The following NUCB1 variants were observed in gnomAD, a reference collection of about 807,000 sequenced individuals.
NUCB1 encodes the protein nucleobindin 1.
A neutral mutation model predicts 61.2 loss-of-function variants in NUCB1; 47 were observed. The observed-to-expected ratio is 0.77, with a 90% CI of 0.61 to 0.98. NUCB1 has a LOEUF of 0.98. Among genes scored for constraint, NUCB1 ranks in the 50% least tolerant of loss-of-function variants. NUCB1 has a pLI of 0.00. For missense variants in NUCB1, 583 were observed against 605.3 expected (o/e 0.96, Z 0.39); for synonymous variants, 234 against 243.1 (o/e 0.96, Z 0.35).
In NUCB1 at chr19:48,923,034, C is replaced by G. The variant is rs1289083947; in HGVS notation, c.*610C>G. The G allele has an allele frequency of 6.5e-6, 1 of 153,308 alleles. No individual in the cohort carries two copies. Among genetic ancestry groups the G allele is most frequent in the Non-Finnish European group, 1.5e-5 (1 of 68,938 alleles). 9.5% of individuals were successfully genotyped at this position (153,308 alleles called of 1,614,324 possible). On this transcript the variant is annotated 3_prime_UTR_variant, in exon 13 of 13. Transcript: ENST00000405315. Reference sequence around the variant, plus strand: ...GCCTCCCTGAACCCCTGGCTTCCAGCCATCTCATCGCCAGCCTCCTCCTGG... The same window carrying G: ...GCCTCCCTGAACCCCTGGCTTCCAGGCATCTCATCGCCAGCCTCCTCCTGG...
intron 7 of NUCB1, among the ~76,000 whole-genome samples, chr19:48,916,104 T>C (rs888129376): frequency 2.0e-5 from 3 of 152,140 alleles, no homozygotes; most frequent in Non-Finnish European, 2.9e-5. Flanking sequence ...ACCACCATTC[T>C]ATTTTCTGTC....
Position 48,922,301 on chromosome 19 carries a change from C to T in NUCB1, c.1280-17C>T. On this transcript the variant is annotated splice_polypyrimidine_tract_variant and intron_variant, in intron 12 of 12. Coordinates refer to ENST00000405315, the MANE Select transcript of NUCB1 (RefSeq NM_006184.6). ...GTTCGGATGTCCTGTGCCACCATTC[C>T]CTCCCTCCATTTCCAGACGATGTAC... The T allele has an allele frequency of 6.2e-7, 1 of 1,602,166 alleles. No individual in the cohort carries two copies. Among genetic ancestry groups the T allele is most frequent in the Non-Finnish European group, 8.6e-7 (1 of 1,169,382 alleles).
chr19:48,906,073 T>G (rs2037410684), intron 4 of NUCB1, among the ~76,000 whole-genome samples, 188 bp downstream of exon 4: 1 of 152,178 alleles, frequency 6.6e-6, no homozygotes, highest in Non-Finnish European at 1.5e-5. Flanking sequence ...ATTACAATGT[T>G]GTTTGTTTAT....
At position 48,919,238 on chromosome 19, in the gene NUCB1, C is replaced by T. The variant is rs771516747; in HGVS notation, c.954C>T (p.Leu318=). Reference sequence around the variant, plus strand: ...GCCTCGTGACCCTGGAGGAGTTCCTCGCATCCACTCAGAGGAAGGAGTTTG... The same window carrying T: ...GCCTCGTGACCCTGGAGGAGTTCCTTGCATCCACTCAGAGGAAGGAGTTTG... The part of the protein sequence containing the change: ...QDRLVTLEEF[L]ASTQRKEFGD... The change falls in exon 10 of 13, where the codon CTC becomes CTT. Residue 318 remains leucine (L), a synonymous_variant. Coordinates refer to ENST00000405315, the MANE Select transcript of NUCB1 (RefSeq NM_006184.6). 9.3e-6 allele frequency: 15 copies of T among 1,613,920 alleles called. No individual in the cohort carries two copies. The highest frequency in any genetic ancestry group is 3.3e-4 in the Middle Eastern group (2 of 6,058).
intron 2 of NUCB1, among the ~76,000 whole-genome samples, chr19:48,902,438 T>TTTTTTTTTTTG (rs374146313): frequency 2.2e-5 from 3 of 138,690 alleles, no homozygotes; most frequent in Admixed American, 7.2e-5. Context: ...TTTTTTTTTT[T>TTTTTTTTTTTG]ATTTTTGCTG....
intron 12 of NUCB1, 73 bp downstream of exon 12, chr19:48,922,005 T>A: frequency 8.4e-7 from 1 of 1,188,840 alleles, no homozygotes. Context: ...GGGCTGGGCC[T>A]GGACTCCCAG....
chr19:48,901,072 C>A, intron 2 of NUCB1, 141 bp downstream of exon 2: 2 of 987,392 alleles, frequency 2.0e-6, no homozygotes, highest in South Asian at 1.4e-5. Flanking sequence ...CCATTCCTCC[C>A]AGCAGCAGGG....
chr19:48,904,758 G>A (rs28450126), intron 3 of NUCB1, among the ~76,000 whole-genome samples: 28,862 of 151,938 alleles, frequency 0.19, 3,542 homozygotes, highest in African/African-American at 0.35. Flanking sequence ...TCCTGACCTC[G>A]TGATCCTCCC....
chr19:48,913,335 G>T (rs1206664473), intron 6 of NUCB1, 139 bp downstream of exon 6: 2 of 1,202,968 alleles, frequency 1.7e-6, no homozygotes, highest in Admixed American at 2.3e-5. Flanking sequence ...CTGCCCCAGG[G>T]TCTGCTGGGA....
intron 5 of NUCB1, among the ~76,000 whole-genome samples, chr19:48,911,971 T>C (rs983966229): frequency 3.3e-5 from 5 of 151,678 alleles, no homozygotes; most frequent in African/African-American, 1.2e-4. Flanking sequence ...ATTTGAACGC[T>C]GGGCAAAATA....
intron 5 of NUCB1, 78 bp downstream of exon 5, chr19:48,911,330 G>A (rs956818946): frequency 1.0e-6 from 1 of 972,384 alleles, no homozygotes; most frequent in African/African-American, 1.6e-5. Context: ...TCCCAGACGT[G>A]AGCCAGCTCA....
In NUCB1 at chr19:48,922,433, G is replaced by C. The variant is rs779291640; in HGVS notation, c.*9G>C. The C allele has an allele frequency of 3.3e-5, 53 of 1,608,592 alleles. No individual in the cohort carries two copies. The highest frequency in any genetic ancestry group is 4.5e-5 in the Non-Finnish European group (53 of 1,175,174). ...TGCCCCAGCATCTGTGATCCTCCGG[G>C]ACCCCAGCCCTCAGGATTCCTGATG... On this transcript the variant is annotated 3_prime_UTR_variant, in exon 13 of 13. Coordinates refer to ENST00000405315, the MANE Select transcript of NUCB1 (RefSeq NM_006184.6).
chr19:48,901,475 C>G (rs1228135704), intron 2 of NUCB1, among the ~76,000 whole-genome samples: 1 of 152,162 alleles, frequency 6.6e-6, no homozygotes, highest in African/African-American at 2.4e-5. Flanking sequence ...TAAGGATAGG[C>G]TGGTCAGGCC....
intron 5 of NUCB1, among the ~76,000 whole-genome samples, chr19:48,912,758 C>A (rs1192147219): frequency 1.3e-5 from 2 of 150,410 alleles, no homozygotes; most frequent in African/African-American, 2.5e-5. Flanking sequence ...ATCACTTGAA[C>A]CCGGAAGACA....
intron 5 of NUCB1, 98 bp from the exon 6 acceptor site, chr19:48,912,913 C>T (rs1463494085): frequency 1.5e-5 from 13 of 839,584 alleles, no homozygotes; most frequent in Non-Finnish European, 2.1e-5. Context: ...CTGGGGCTGC[C>T]CTCAGCCAGG....
intron 7 of NUCB1, among the ~76,000 whole-genome samples, chr19:48,913,847 C>G (rs1478971344): frequency 2.0e-5 from 3 of 152,222 alleles, no homozygotes; most frequent in Non-Finnish European, 4.4e-5. Context: ...CCTGGGCCCT[C>G]TGCCCACAGC....
At chr19:48,911,626 G>C (rs558183189) in intron 5 of NUCB1, among the ~76,000 whole-genome samples, 25 of 151,632 alleles carry the variant, frequency 1.6e-4, no homozygotes, top group Non-Finnish European at 2.4e-4. Flanking sequence ...GGCTGGTCTC[G>C]AACTCCTGAC....
chr19:48,911,120 C>A, intron 4 of NUCB1, 29 bp from the exon 5 acceptor site: 1 of 1,509,162 alleles, frequency 6.6e-7, no homozygotes, highest in Non-Finnish European at 9.2e-7. Context: ...AACATGCCCT[C>A]AGGTGTTGGA....
In NUCB1 at chr19:48,901,520, T is replaced by C. The variant is rs555707605; in HGVS notation, c.135+589T>C. 4.9e-4 allele frequency among the ~76,000 whole-genome samples: 75 copies of C among 152,284 alleles called. No homozygotes were observed. The South Asian group carries it at 0.015, about 30-fold the overall frequency. ...GGCTCATGCCTGTAATCCTAGCACT[T>C]TGGGAGGCCGAGACAGGCGGATCAC... On this transcript the variant is annotated intron_variant, in intron 2 of 12. Coordinates refer to ENST00000405315, the MANE Select transcript of NUCB1 (RefSeq NM_006184.6).
Sources: gnomAD v4.1 joint callset for allele counts (sites outside exome capture counted in the v4.1 genomes callset) on GRCh38, gnomAD v4.1.1 for gene constraint, MANE v1.5 for transcripts, NCBI Gene and HGNC (gene_info 2026-07-23, HGNC 2026-07-21) for gene names.